Variants in ATOH8 observed in about 807,000 individuals in gnomAD.
ATOH8 encodes transcription factor ATOH8.
Under a neutral mutation model 21.2 loss-of-function variants are expected in ATOH8, and 9 were observed. That is an observed-to-expected ratio of 0.42 (90% CI 0.26 to 0.74). The LOEUF is 0.74. Among genes scored for constraint, ATOH8 ranks in the 30% least tolerant of loss-of-function variants. The pLI is 0.24. For missense variants in ATOH8, 524 were observed against 470.9 expected (o/e 1.11, Z -1.04); for synonymous variants, 253 against 224.0 (o/e 1.13, Z -1.16).
intron 2 of ATOH8, among the ~76,000 whole-genome samples, chr2:85,772,168 C>T (rs1680200276): frequency 6.6e-6 from 1 of 150,640 alleles, no homozygotes; most frequent in African/African-American, 2.4e-5. Context: ...GGTGGTGGCC[C>T]TGGTGGTAGC....
intron 1 of ATOH8, among the ~76,000 whole-genome samples, chr2:85,757,367 G>A (rs1301866468): frequency 1.3e-5 from 2 of 152,202 alleles, no homozygotes; most frequent in Non-Finnish European, 2.9e-5. Context: ...TCTGTAAAAT[G>A]TACTCCGCAC....
intron 1 of ATOH8, among the ~76,000 whole-genome samples, chr2:85,763,201 TCTTTGG>T (rs1679914273): frequency 6.6e-6 from 1 of 152,110 alleles, no homozygotes; most frequent in Non-Finnish European, 1.5e-5. Context: ...TGTACCACAG[TCTTTGG>T]AACTTTTTGC....
chr2:85,763,182 C>G (rs1168387878), intron 1 of ATOH8, among the ~76,000 whole-genome samples: 1 of 152,146 alleles, frequency 6.6e-6, no homozygotes, highest in African/African-American at 2.4e-5. Context: ...AGACAGAACT[C>G]TGTTCAAGTG....
At position 85,785,171 on chromosome 2, in the gene ATOH8, C is replaced by A. The variant is rs1680592865; in HGVS notation, c.961-1714C>A. Among the ~76,000 whole-genome samples the A allele has an allele frequency of 6.6e-6, 1 of 152,260 alleles. No homozygotes were observed. The highest frequency in any genetic ancestry group is 1.5e-5 in the Non-Finnish European group (1 of 68,048). On this transcript the variant is annotated intron_variant, in intron 2 of 2. Coordinates refer to ENST00000306279, the MANE Select transcript of ATOH8 (RefSeq NM_032827.7). The surrounding 1 kb of genome is among the most constrained non-coding windows in gnomAD (Gnocchi z 4.1). The stretch of plus-strand genomic sequence containing the variant: ...CTCCCCTTCTTCCTCAGGCCACGGG[C>A]AGGCTGAACAAGAGAAAAACCTTTT...
chr2:85,781,147 C>G (rs1439076338), intron 2 of ATOH8: 20 of 929,658 alleles, frequency 2.2e-5, no homozygotes, highest in Non-Finnish European at 2.4e-5. Context: ...CGTAATTCCA[C>G]TTTTCGTAAA....
intron 1 of ATOH8, among the ~76,000 whole-genome samples, chr2:85,757,099 A>G (rs898098229): frequency 4.6e-5 from 7 of 152,344 alleles, no homozygotes; most frequent in African/African-American, 1.7e-4. Flanking sequence ...ACACAAATGC[A>G]TGGTCACAGA....
rs946024703 is a variant in ATOH8, at chr2:85,785,646, G to C, written c.961-1239G>C. Among the ~76,000 whole-genome samples the C allele has an allele frequency of 6.6e-6, 1 of 152,196 alleles. No individual in the cohort carries two copies. Among genetic ancestry groups the C allele is most frequent in the Non-Finnish European group, 1.5e-5 (1 of 68,036 alleles). On this transcript the variant is annotated intron_variant, in intron 2 of 2. Coordinates refer to ENST00000306279, the MANE Select transcript of ATOH8 (RefSeq NM_032827.7). The surrounding 1 kb of genome is among the most constrained non-coding windows in gnomAD (Gnocchi z 4.1). ...TCCCCAAGCCTCTGTCTCAGTGAGA[G>C]CAGCCTCTGTGTGGTAGAATGAACA... is the stretch of plus-strand genomic sequence containing the variant.
chr2:85,759,487 C>T (rs79840800), intron 1 of ATOH8, among the ~76,000 whole-genome samples: 1 of 152,132 alleles, frequency 6.6e-6, no homozygotes, highest in Non-Finnish European at 1.5e-5. Context: ...GCAGATTGCT[C>T]AAGCCCACAG....
In ATOH8 at chr2:85,785,782, G is replaced by A. The variant is rs769380393; in HGVS notation, c.961-1103G>A. 1.3e-5 allele frequency among the ~76,000 whole-genome samples: 2 copies of A among 152,226 alleles called. No homozygotes were observed. Among genetic ancestry groups the A allele is most frequent in the Non-Finnish European group, 2.9e-5 (2 of 68,038 alleles). On this transcript the variant is annotated intron_variant, in intron 2 of 2. Transcript: ENST00000306279. This position sits in a 1 kb window ranked among gnomAD's most constrained non-coding sequence, Gnocchi z 4.1. ...GAATGGGAATGCTCCCTGGCAGGTCGGAGGTGCCTGACAGATGTTTTGCTT... is the reference window on the plus strand; with the variant it reads ...GAATGGGAATGCTCCCTGGCAGGTCAGAGGTGCCTGACAGATGTTTTGCTT...
chr2:85,772,741 A>G (rs1333202945), intron 2 of ATOH8: 16 of 456,934 alleles, frequency 3.5e-5, no homozygotes, highest in African/African-American at 6.0e-5. Context: ...TGGACGCCGT[A>G]AAAGTTGGCG....
At chr2:85,779,421 C>A (rs1273276499) in intron 2 of ATOH8, among the ~76,000 whole-genome samples, 2 of 152,254 alleles carry the variant, frequency 1.3e-5, no homozygotes, top group East Asian at 3.8e-4. Flanking sequence ...GCTCGGCAGC[C>A]AGAGAGAGTG....
rs758321372 is a variant in ATOH8 at position 85,754,608 on chromosome 2, C to G, written c.419C>G (p.Pro140Arg). 200 of 1,487,610 alleles carry G rather than the reference C, an allele frequency of 1.3e-4. No individual in the cohort carries two copies. In the Middle Eastern group the frequency reaches 5.8e-3, roughly 43 times the overall value. 92.2% of individuals were successfully genotyped at this position (1,487,610 alleles called of 1,614,324 possible). ...CCCCAGAGCCAGGCACCTGGGGGCC[C>G]AGAGGCACAGCCTTTCCGGGAGCCG... ...PAPQSQAPGG[P>R]EAQPFREPGL... Residue 140 changes from proline (P) to arginine (R), a missense_variant, in exon 1 of 3, where the codon CCA becomes CGA. Transcript: ENST00000306279.
rs1226372513 is a variant in ATOH8 at position 85,754,033 on chromosome 2, T to C, written c.-157T>C. 2.4e-5 allele frequency: 22 copies of C among 904,026 alleles called. No homozygotes were observed. The highest frequency in any genetic ancestry group is 3.1e-5 in the Non-Finnish European group (20 of 650,132). The allele number at this position is 904,026 out of a possible 1,614,324, so 56.0% of individuals were successfully genotyped here. ...CTCCGGGAACGGACAGCCCGGCGGCTTCCCGAAGCCGGCGGCGCAGCTGCC... is the reference window on the plus strand; with the variant it reads ...CTCCGGGAACGGACAGCCCGGCGGCCTCCCGAAGCCGGCGGCGCAGCTGCC... On this transcript the variant is annotated 5_prime_UTR_variant, in exon 1 of 3. Transcript: ENST00000306279.
chr2:85,775,092 T>C, intron 2 of ATOH8: 1 of 945,448 alleles, frequency 1.1e-6, no homozygotes, highest in African/African-American at 1.8e-5. Flanking sequence ...TTTCATGTCA[T>C]TACATTGTAT....
Position 85,754,286 on chromosome 2 carries a change from C to A in ATOH8, c.97C>A (p.Pro33Thr), listed in dbSNP as rs1425354282. Residue 33 changes from proline (P) to threonine (T), a missense_variant, in exon 1 of 3, where the codon CCG (proline) becomes ACG (threonine). Pro to Thr is a conservative substitution (Grantham distance 38, BLOSUM62 -1). Transcript: ENST00000306279. The part of the protein sequence containing the change: ...LKKLKRKGKE[P>T]ARRANGYKTF... ...GAAGCTCAAGCGGAAAGGCAAGGAG[C>A]CGGCGCGGCGCGCGAACGGCTATAA... 2 of 1,609,962 alleles carry A rather than the reference C, an allele frequency of 1.2e-6. No homozygotes were observed. Among genetic ancestry groups the A allele is most frequent in the African/African-American group, 1.3e-5 (1 of 74,276 alleles).
In ATOH8 at chr2:85,775,754, C is replaced by T. The variant is rs114296615; in HGVS notation, c.961-11131C>T. Reference sequence around the variant, plus strand: ...CAAAGGAAGATGCTCCCCTCGAACCCGAGAAAAACATCAAGGTCTGTCAGC... The same window carrying T: ...CAAAGGAAGATGCTCCCCTCGAACCTGAGAAAAACATCAAGGTCTGTCAGC... On this transcript the variant is annotated intron_variant, in intron 2 of 2. Transcript: ENST00000306279. Among the ~76,000 whole-genome samples the T allele has an allele frequency of 6.0e-3, 914 of 152,288 alleles. 9 individuals carry two copies. The highest frequency in any genetic ancestry group is 0.021 in the African/African-American group (861 of 41,542).
intron 1 of ATOH8, among the ~76,000 whole-genome samples, 185 bp downstream of exon 1, chr2:85,755,142 G>C (rs1392727247): frequency 6.6e-6 from 1 of 152,228 alleles, no homozygotes; most frequent in Non-Finnish European, 1.5e-5. Flanking sequence ...GTGGCTATAA[G>C]AGTTGGTTAT....
Position 85,788,975 on chromosome 2 carries a change from CA to C in ATOH8, c.*2086del, listed in dbSNP as rs1680695915. On this transcript the variant is annotated 3_prime_UTR_variant, in exon 3 of 3. Coordinates refer to ENST00000306279, the MANE Select transcript of ATOH8 (RefSeq NM_032827.7). Reference sequence around the variant, plus strand: ...GGAGGGTCTGTTAGGAAGGTTCAGCCACCCTGTGAAGCTGGCACAGATAACA... The same window carrying C: ...GGAGGGTCTGTTAGGAAGGTTCAGCCCCCTGTGAAGCTGGCACAGATAACA... Among the ~76,000 whole-genome samples the C allele has an allele frequency of 6.6e-6, 1 of 152,296 alleles. No individual in the cohort carries two copies. Among genetic ancestry groups the C allele is most frequent in the African/African-American group, 2.4e-5 (1 of 41,556 alleles).
At chr2:85,776,341 C>G (rs1472141952) in intron 2 of ATOH8, among the ~76,000 whole-genome samples, 1 of 152,244 alleles carries the variant, frequency 6.6e-6, no homozygotes, top group Non-Finnish European at 1.5e-5. Context: ...TCCGTAACCT[C>G]AGGCACTTGC....
Sources: gnomAD v4.1 joint callset for allele counts (sites outside exome capture counted in the v4.1 genomes callset) on GRCh38, gnomAD v4.1.1 for gene constraint, Gnocchi (gnomAD v3.1) non-coding constraint, MANE v1.5 for transcripts, NCBI Gene and HGNC (gene_info 2026-07-23, HGNC 2026-07-21) for gene names.